The following NTM variants were observed in gnomAD, a reference collection of about 807,000 sequenced individuals.
NTM encodes neurotrimin, also known as IgLON family member 2.
In NTM, 13 loss-of-function variants were observed where a neutral mutation model predicts 42.1. The ratio of observed to expected loss-of-function variants is 0.31; its 90% CI spans 0.20 to 0.49. The LOEUF is 0.49. Ranked by LOEUF, NTM falls within the 20% of genes least tolerant of loss-of-function variation. The pLI is 0.99. For synonymous variants in NTM, 187 were observed against 179.2 expected (o/e 1.04, Z -0.35); for missense variants, 373 against 452.8 (o/e 0.82, Z 1.60).
chr11:131,430,435 C>A (rs1486649217), intron 1 of NTM, among the ~76,000 whole-genome samples: 1 of 152,026 alleles, frequency 6.6e-6, no homozygotes, highest in African/African-American at 2.4e-5. Context: ...CATCTGAAAT[C>A]CAGGGAGGTA....
intron 1 of NTM, among the ~76,000 whole-genome samples, chr11:131,582,626 C>T (rs990393523): frequency 9.2e-5 from 14 of 151,868 alleles, no homozygotes; most frequent in Non-Finnish European, 1.9e-4. Context: ...ACTCCTGCAT[C>T]GGCAAGAGGA....
chr11:131,516,408 C>G (rs2048898506), intron 1 of NTM, among the ~76,000 whole-genome samples: 1 of 152,128 alleles, frequency 6.6e-6, no homozygotes, highest in Non-Finnish European at 1.5e-5. Flanking sequence ...GATGGAGTTT[C>G]ACTTTTGTTG....
At position 131,555,619 on chromosome 11, in the gene NTM, CCTT is replaced by C. The variant is rs756887854; in HGVS notation, c.82+184736_82+184738del. ...GCAGTCTGGGAGCATTTTGTTGGCT[CCTT>C]CTTCGATTTCATCAGATGGTCCCAG... is the stretch of plus-strand genomic sequence containing the variant. On this transcript the variant is annotated intron_variant, in intron 1 of 8. Transcript: ENST00000683400. Among the ~76,000 whole-genome samples the C allele has an allele frequency of 1.4e-3, 218 of 152,226 alleles. 1 individual carries two copies. Among genetic ancestry groups the C allele is most frequent in the Non-Finnish European group, 2.9e-4 (20 of 68,008 alleles).
chr11:131,441,001 A>G (rs563310554), intron 1 of NTM, among the ~76,000 whole-genome samples: 12 of 152,018 alleles, frequency 7.9e-5, no homozygotes, highest in African/African-American at 1.9e-4. Flanking sequence ...AATTTTGCCA[A>G]CGTGTTTCAT....
chr11:131,565,448 G>T (rs764515742), intron 1 of NTM, among the ~76,000 whole-genome samples: 10 of 152,154 alleles, frequency 6.6e-5, no homozygotes, highest in African/African-American at 9.6e-5. Context: ...TGAGAGCGGG[G>T]TTGGTTCTGT....
intron 1 of NTM, among the ~76,000 whole-genome samples, chr11:131,683,056 G>A (rs1429740797): frequency 2.0e-5 from 3 of 152,134 alleles, no homozygotes; most frequent in East Asian, 1.9e-4. Flanking sequence ...ATTCTGTGGC[G>A]AAAATAACAA....
At chr11:131,405,397 C>G (rs1351452471) in intron 1 of NTM, among the ~76,000 whole-genome samples, 1 of 150,988 alleles carries the variant, frequency 6.6e-6, no homozygotes, top group Non-Finnish European at 1.5e-5. Flanking sequence ...TCTCCCCTAA[C>G]TTAGTTAAGG....
Position 131,722,021 on chromosome 11 carries a change from A to G in NTM, c.83-189543A>G, listed in dbSNP as rs12226267. 6.4e-4 allele frequency among the ~76,000 whole-genome samples: 72 copies of G among 112,824 alleles called. 4 individuals are homozygous for G. Among genetic ancestry groups the G allele is most frequent in the African/African-American group, 1.5e-3 (45 of 29,450 alleles). The allele number at this position is 112,824 out of a possible 152,430, so 74.0% of individuals were successfully genotyped here. On this transcript the variant is annotated intron_variant, in intron 1 of 8. Coordinates refer to ENST00000683400, the MANE Select transcript of NTM (RefSeq NM_001352005.2). Reference sequence around the variant, plus strand: ...CAAAAAAAAAAAAAAAAAAAAAAAAAAGAGAGAAAGAAAGAAAATAATGCT... The same window carrying G: ...CAAAAAAAAAAAAAAAAAAAAAAAAGAGAGAGAAAGAAAGAAAATAATGCT...
chr11:131,468,494 T>C (rs1952105914), intron 1 of NTM, among the ~76,000 whole-genome samples: 1 of 152,254 alleles, frequency 6.6e-6, no homozygotes, highest in Non-Finnish European at 1.5e-5. Context: ...AGCTTATGCA[T>C]TTATTTATTT....
At chr11:131,627,578 T>G (rs1313528317) in intron 1 of NTM, among the ~76,000 whole-genome samples, 1 of 152,092 alleles carries the variant, frequency 6.6e-6, no homozygotes, top group East Asian at 1.9e-4. Context: ...ATGCCTATAA[T>G]CCCAGCATTT....
chr11:132,014,355 G>A (rs2072919431), intron 2 of NTM, among the ~76,000 whole-genome samples: 1 of 152,002 alleles, frequency 6.6e-6, no homozygotes, highest in African/African-American at 2.4e-5. Context: ...GGTAAATGCG[G>A]GTGCACAGCT....
intron 3 of NTM, among the ~76,000 whole-genome samples, chr11:132,177,947 A>G (rs1223583747): frequency 1.3e-5 from 2 of 152,378 alleles, no homozygotes; most frequent in South Asian, 4.1e-4. Flanking sequence ...ACTGTTGATT[A>G]TAAATGTTCC....
intron 4 of NTM, among the ~76,000 whole-genome samples, chr11:132,253,730 G>A (rs1216336653): frequency 6.6e-6 from 1 of 152,284 alleles, no homozygotes; most frequent in African/African-American, 2.4e-5. Flanking sequence ...TATACCCATA[G>A]TGACTTTTTC....
In NTM at chr11:132,213,730, C is replaced by CTTT. The variant is rs59685389; in HGVS notation, c.526+1603_526+1605dup. 5.4e-3 allele frequency among the ~76,000 whole-genome samples: 431 copies of CTTT among 80,488 alleles called. 31 individuals carry two copies. The highest frequency in any genetic ancestry group is 0.016 in the East Asian group (54 of 3,288). The allele number at this position is 80,488 out of a possible 152,430, so 52.8% of individuals were successfully genotyped here. On this transcript the variant is annotated intron_variant, in intron 4 of 8. Coordinates refer to ENST00000683400, the MANE Select transcript of NTM (RefSeq NM_001352005.2). ...CTGGGAGCTGTCCTGGGCCACCATT[C>CTTT]TTTTTTTTTTTTTTTTTTTTTTGAG...
chr11:131,650,108 C>CT (rs753207309), intron 1 of NTM, among the ~76,000 whole-genome samples: 1 of 152,172 alleles, frequency 6.6e-6, no homozygotes, highest in Non-Finnish European at 1.5e-5. Context: ...GTAATGCTGT[C>CT]TAACACCACA....
At chr11:132,200,700 G>A (rs1164931500) in intron 3 of NTM, among the ~76,000 whole-genome samples, 2 of 152,364 alleles carry the variant, frequency 1.3e-5, no homozygotes, top group Non-Finnish European at 2.9e-5. Flanking sequence ...CAGAAATGCA[G>A]GTTTCTGCAG....
At chr11:132,207,790 C>A (rs1480901410) in intron 3 of NTM, among the ~76,000 whole-genome samples, 1 of 152,158 alleles carries the variant, frequency 6.6e-6, no homozygotes, top group African/African-American at 2.4e-5. Flanking sequence ...ACTCCTAGGG[C>A]TTAACTTAGG....
At chr11:131,470,143 C>T (rs1952294984) in intron 1 of NTM, among the ~76,000 whole-genome samples, 1 of 152,194 alleles carries the variant, frequency 6.6e-6, no homozygotes, top group African/African-American at 2.4e-5. Context: ...ACGTTATCTG[C>T]CATGGGCAGG....
chr11:131,593,995 G>A (rs1426784098), intron 1 of NTM, among the ~76,000 whole-genome samples: 2 of 152,180 alleles, frequency 1.3e-5, no homozygotes, highest in African/African-American at 4.8e-5. Flanking sequence ...ATTTGGTCAG[G>A]TTGCTGCCCA....
Sources: allele counts gnomAD v4.1 joint callset (sites outside exome capture counted in the v4.1 genomes callset), GRCh38; gene constraint gnomAD v4.1.1; transcripts MANE v1.5; gene names NCBI Gene and HGNC (gene_info 2026-07-23, HGNC 2026-07-21).